Variants in C10orf53 observed in about 807,000 individuals in gnomAD.
The protein encoded by C10orf53 is UPF0728 protein C10orf53.
In C10orf53, 8 loss-of-function variants were observed where a neutral mutation model predicts 9.4. The observed-to-expected ratio is 0.85, with a 90% CI of 0.50 to 1.53. The LOEUF (loss-of-function observed/expected upper bound fraction) is 1.53. C10orf53 is among the 40% of genes most tolerant of loss of function. The probability of loss-of-function intolerance (pLI) is 0.00; values close to 1 mark genes in which losing one functional copy is unlikely to be tolerated. For missense variants in C10orf53, 117 were observed against 117.8 expected, an observed-to-expected ratio of 0.99 and a Z score of 0.03; for synonymous variants, 48 against 46.0, an observed-to-expected ratio of 1.04 and a Z score of -0.18.
At chr10:49,699,325 C>G (rs969671181), downstream of C10orf53, among the ~76,000 whole-genome samples, 4 of 150,472 alleles carry the variant, frequency 2.7e-5, no homozygotes, top group African/African-American at 9.8e-5. Context: ...TTCCGAATAG[C>G]TGAGACTACA....
chr10:49,694,281 G>T (rs1840613221), intron 2 of C10orf53: 2 of 596,094 alleles, frequency 3.4e-6, no homozygotes, highest in Non-Finnish European at 5.8e-6. Context: ...ACACTGAGTT[G>T]ATATGCCAGC....
At chr10:49,680,212 C>T (rs1300287841) in intron 1 of C10orf53, among the ~76,000 whole-genome samples, 1 of 152,198 alleles carries the variant, frequency 6.6e-6, no homozygotes, top group Non-Finnish European at 1.5e-5. Flanking sequence ...CTTCCAGGGA[C>T]TGAGGACACA....
chr10:49,685,131 TAC>T (rs376445705), intron 1 of C10orf53, among the ~76,000 whole-genome samples: 211 of 151,850 alleles, frequency 1.4e-3, no homozygotes, highest in African/African-American at 2.7e-3. Context: ...AACACACACA[TAC>T]ACACACACAC....
chr10:49,688,341 A>G (rs1840548932), intron 1 of C10orf53, among the ~76,000 whole-genome samples: 1 of 152,170 alleles, frequency 6.6e-6, no homozygotes, highest in Non-Finnish European at 1.5e-5. Context: ...AAGTACGCCC[A>G]GAATTAATCC....
At chr10:49,702,282 T>C (rs1266825171), downstream of C10orf53, among the ~76,000 whole-genome samples, 1 of 147,872 alleles carries the variant, frequency 6.8e-6, no homozygotes, top group African/African-American at 2.5e-5. Flanking sequence ...CAGTGGGAAG[T>C]TGGGGTGGTT....
At chr10:49,694,414 A>G (rs779327942) in intron 2 of C10orf53, 124 bp from the exon 3 acceptor site, 4 of 1,304,026 alleles carry the variant, frequency 3.1e-6, no homozygotes, top group Non-Finnish European at 4.3e-6. Context: ...ATTAAAAACT[A>G]GTTAACATTT....
chr10:49,692,352 T>G (rs1203340977), intron 1 of C10orf53, among the ~76,000 whole-genome samples: 1 of 152,258 alleles, frequency 6.6e-6, no homozygotes, highest in East Asian at 1.9e-4. Context: ...AGTCTCTTTC[T>G]GAAGTTCCTT....
intron 1 of C10orf53, among the ~76,000 whole-genome samples, chr10:49,689,698 A>G (rs1840563590): frequency 6.6e-6 from 1 of 152,174 alleles, no homozygotes; most frequent in Non-Finnish European, 1.5e-5. Flanking sequence ...CAGCCACTCT[A>G]TGTGTGTGAC....
rs758094615 is a variant in C10orf53, at chr10:49,693,862, C to G, written c.186C>G (p.Ile62Met). Residue 62 changes from isoleucine (I) to methionine (M), a missense_variant, in exon 2 of 3, where the codon ATC (isoleucine) becomes ATG (methionine). Physicochemically the swap from Ile to Met is conservative, Grantham distance 10. Transcript: ENST00000374111. ...VVELMVNEEV[I>M]FHCNIKDLEF... Reference sequence around the variant, plus strand: ...AACTCATGGTGAATGAAGAAGTCATCTTCCACTGCAACATTAAGGACTTGG... The same window carrying G: ...AACTCATGGTGAATGAAGAAGTCATGTTCCACTGCAACATTAAGGACTTGG... 1.9e-6 allele frequency: 3 copies of G among 1,614,150 alleles called. No individual in the cohort carries two copies. In the African/African-American group the frequency reaches 4.0e-5, roughly 22 times the overall value.
chr10:49,694,268 A>G, intron 2 of C10orf53: 1 of 586,534 alleles, frequency 1.7e-6, no homozygotes, highest in Non-Finnish European at 2.9e-6. Flanking sequence ...TAGACTTGCT[A>G]AGACACTGAG....
downstream of C10orf53, among the ~76,000 whole-genome samples, chr10:49,697,808 A>G (rs757508699): frequency 1.6e-4 from 24 of 152,166 alleles, no homozygotes; most frequent in Non-Finnish European, 3.5e-4. Flanking sequence ...GGCCTCCCAA[A>G]GTGCTGGGAT....
intron 1 of C10orf53, among the ~76,000 whole-genome samples, chr10:49,684,136 G>T (rs1439605958): frequency 6.6e-6 from 1 of 152,196 alleles, no homozygotes; most frequent in Non-Finnish European, 1.5e-5. Flanking sequence ...TCGCACCCAT[G>T]TCAAGAATCA....
intron 1 of C10orf53, 114 bp from the exon 2 acceptor site, chr10:49,693,659 AT>A: frequency 7.7e-7 from 1 of 1,306,236 alleles, no homozygotes; most frequent in Non-Finnish European, 1.1e-6. Flanking sequence ...CAGTTGAGTG[AT>A]ACCCATGAGC....
rs762004569 is a variant in C10orf53 at position 49,679,763 on chromosome 10, G to C, written c.66G>C (p.Glu22Asp). The C allele has an allele frequency of 1.6e-5, 24 of 1,545,450 alleles. No individual in the cohort carries two copies. In the East Asian group the frequency reaches 3.5e-4, roughly 22 times the overall value. The change falls in exon 1 of 3, where the codon GAG (glutamate) becomes GAC (aspartate). Residue 22 changes from glutamate (E) to aspartate (D), a missense_variant. Glu to Asp is a conservative substitution (Grantham distance 45). Coordinates refer to ENST00000374111, the MANE Select transcript of C10orf53 (RefSeq NM_001042427.3). ...ACAGCGCGGCAGGCCTACCGGTGGAGCACCACACCTTCCGCCTGCAGGGCC... is the reference window on the plus strand; with the variant it reads ...ACAGCGCGGCAGGCCTACCGGTGGACCACCACACCTTCCGCCTGCAGGGCC... The part of the protein sequence containing the change: ...GPYSAAGLPV[E>D]HHTFRLQGLQ...
At position 49,679,697 on chromosome 10, in the gene C10orf53, G is replaced by A; in HGVS notation, c.-1G>A. On this transcript the variant is annotated 5_prime_UTR_variant, in exon 1 of 3. Coordinates refer to ENST00000374111, the MANE Select transcript of C10orf53 (RefSeq NM_001042427.3). Reference sequence around the variant, plus strand: ...GCCTCTGCGGCGGCGGAGGCCTGGCGATGCCCAAGAACGCAGTGGTCATCC... The same window carrying A: ...GCCTCTGCGGCGGCGGAGGCCTGGCAATGCCCAAGAACGCAGTGGTCATCC... 2 of 1,546,032 alleles carry A rather than the reference G, an allele frequency of 1.3e-6. No homozygotes were observed. Among genetic ancestry groups the A allele is most frequent in the Non-Finnish European group, 1.7e-6 (2 of 1,145,046 alleles).
rs1048544353 is a variant in C10orf53 at position 49,693,919 on chromosome 10, C to A, written c.217+26C>A. On this transcript the variant is annotated intron_variant, in intron 2 of 2. Coordinates refer to ENST00000374111, the MANE Select transcript of C10orf53 (RefSeq NM_001042427.3). Reference sequence around the variant, plus strand: ...GTAAGCCCTTTGGCGATGCTTCCAGCCAGCAATTTGCCTCCTCTGAGGAGT... The same window carrying A: ...GTAAGCCCTTTGGCGATGCTTCCAGACAGCAATTTGCCTCCTCTGAGGAGT... The A allele has an allele frequency of 1.9e-6, 3 of 1,614,012 alleles. No homozygotes were observed. In the African/African-American group the frequency reaches 4.0e-5, roughly 22 times the overall value.
exon 3 of C10orf53, chr10:49,708,534 A>G (rs1376061067): frequency 1.4e-5 from 22 of 1,614,050 alleles, no homozygotes; most frequent in Non-Finnish European, 1.8e-5. Flanking sequence ...CCATTTCCAA[A>G]CCAATCTTTG....
At position 49,695,025 on chromosome 10, in the gene C10orf53, AG is replaced by A. The variant is rs1280745028; in HGVS notation, c.*425del. On this transcript the variant is annotated 3_prime_UTR_variant, in exon 3 of 3. Coordinates refer to ENST00000374111, the MANE Select transcript of C10orf53 (RefSeq NM_001042427.3). Reference sequence around the variant, plus strand: ...GAGGTTGGGGGAAGAGTGGGAATAAAGGCTTTTGAAAGTCTGAACCAAAAGC... The same window carrying A: ...GAGGTTGGGGGAAGAGTGGGAATAAAGCTTTTGAAAGTCTGAACCAAAAGC... 1 of 886,388 alleles carries A rather than the reference AG, an allele frequency of 1.1e-6. No homozygotes were observed. Among genetic ancestry groups the A allele is most frequent in the Admixed American group, 6.2e-5 (1 of 16,260 alleles). The allele number at this position is 886,388 out of a possible 1,614,324, so 54.9% of individuals were successfully genotyped here.
intron 1 of C10orf53, among the ~76,000 whole-genome samples, chr10:49,685,374 C>T (rs2132875892): frequency 6.6e-6 from 1 of 152,284 alleles, no homozygotes; most frequent in South Asian, 2.1e-4. Context: ...GTGTTCTCAG[C>T]ATTTTTAAAG....
Sources: gnomAD v4.1 joint callset for allele counts (sites outside exome capture counted in the v4.1 genomes callset) on GRCh38, gnomAD v4.1.1 for gene constraint, MANE v1.5 for transcripts, NCBI Gene and HGNC (gene_info 2026-07-23, HGNC 2026-07-21) for gene names.